DHRS4L2: variants seen among roughly 807,000 people sequenced by gnomAD.
DHRS4L2 encodes dehydrogenase/reductase 4 like 2.
Under a neutral mutation model 23.9 loss-of-function variants are expected in DHRS4L2, and 22 were observed. That is an observed-to-expected ratio of 0.92 (90% CI 0.66 to 1.31). DHRS4L2 has a LOEUF of 1.31. Ranked by LOEUF, DHRS4L2 falls within the 40% of genes most tolerant of loss-of-function variation. DHRS4L2 has a pLI of 0.00. For missense variants in DHRS4L2, 385 were observed against 303.3 expected (o/e 1.27, Z -2.00); for synonymous variants, 141 against 123.7 (o/e 1.14, Z -0.93).
chr14:23,999,613 CCTTA>C (rs1566500177), intron 3 of DHRS4L2, among the ~76,000 whole-genome samples: 2 of 140,682 alleles, frequency 1.4e-5, no homozygotes, highest in East Asian at 2.0e-4. Context: ...AAAAGAAAAT[CCTTA>C]CTCTTTGGAA....
chr14:23,984,967 C>A (rs1049979302), upstream of DHRS4L2, among the ~76,000 whole-genome samples: 2 of 151,310 alleles, frequency 1.3e-5, no homozygotes, highest in African/African-American at 4.9e-5. Context: ...TATACCCCTT[C>A]GTATTTACTG....
chr14:23,982,100 C>T (rs1237510142), intron 1 of DHRS4L2, among the ~76,000 whole-genome samples: 5 of 151,644 alleles, frequency 3.3e-5, no homozygotes, highest in African/African-American at 1.2e-4. Flanking sequence ...ACGGTCAGGG[C>T]TCTCCCATCC....
chr14:23,981,713 G>A (rs1442447101), intron 1 of DHRS4L2, among the ~76,000 whole-genome samples: 7 of 151,754 alleles, frequency 4.6e-5, no homozygotes, highest in Admixed American at 4.6e-4. Flanking sequence ...GAATGCAGCA[G>A]AAGAGCAGGG....
chr14:23,974,405 G>A (rs1274660851), intron 1 of DHRS4L2, among the ~76,000 whole-genome samples: 1 of 151,284 alleles, frequency 6.6e-6, no homozygotes, highest in East Asian at 1.9e-4. Context: ...GATCAGAGCA[G>A]AACTGAAGGT....
chr14:23,983,094 A>G (rs2034081558), intron 1 of DHRS4L2, among the ~76,000 whole-genome samples: 2 of 151,848 alleles, frequency 1.3e-5, no homozygotes, highest in Admixed American at 1.3e-4. Flanking sequence ...GTGAACAGGC[A>G]ACCCACAGAA....
intron 1 of DHRS4L2, among the ~76,000 whole-genome samples, chr14:23,981,816 T>C (rs978857909): frequency 1.3e-5 from 2 of 151,780 alleles, no homozygotes; most frequent in African/African-American, 2.4e-5. Flanking sequence ...TGGATGTGCA[T>C]GTAGGCCAGA....
Position 23,977,599 on chromosome 14 carries a change from C to G in DHRS4L2, c.-176+7267C>G, listed in dbSNP as rs373147847. Among the ~76,000 whole-genome samples, 4 of 151,904 alleles carry G rather than the reference C, an allele frequency of 2.6e-5. No individual in the cohort carries two copies. The South Asian group carries it at 8.3e-4, about 32-fold the overall frequency. The stretch of plus-strand genomic sequence containing the variant: ...AAAGCTGTGGGAACCCCCAAAATCA[C>G]TTTAAGCCTTGAGACGTGACTGTGA... On this transcript the variant is annotated intron_variant, in intron 1 of 5. Transcript: ENST00000534993.
At position 24,001,022 on chromosome 14, in the gene DHRS4L2, T is replaced by C; in HGVS notation, c.480-11T>C. 1 of 1,610,784 alleles carries C rather than the reference T, an allele frequency of 6.2e-7. No individual in the cohort carries two copies. The highest frequency in any genetic ancestry group is 2.2e-5 in the East Asian group (1 of 44,824). On this transcript the variant is annotated splice_polypyrimidine_tract_variant and intron_variant, in intron 4 of 7. Transcript: ENST00000335125. ...ACACTGGGAAGACGGTCAGCTCTCTTCTTTTTCCAGAGGCGGCTCAGTGGT... is the reference window on the plus strand; with the variant it reads ...ACACTGGGAAGACGGTCAGCTCTCTCCTTTTTCCAGAGGCGGCTCAGTGGT...
rs376145235 is a variant in DHRS4L2, at chr14:23,972,624, A to G, written c.-176+2292A>G. Among the ~76,000 whole-genome samples, 579 of 150,708 alleles carry G rather than the reference A, an allele frequency of 3.8e-3. 3 individuals are homozygous for G. The highest frequency in any genetic ancestry group is 5.1e-3 in the Non-Finnish European group (342 of 67,712). On this transcript the variant is annotated intron_variant, in intron 1 of 5. Coordinates refer to the DHRS4L2 transcript ENST00000534993. ...GTGGGTATTTCTAGTCAGGTGGGAC[A>G]AGAGACTGAGAAAGAGAAATAAGAC...
intron 1 of DHRS4L2, among the ~76,000 whole-genome samples, chr14:23,980,666 A>T (rs2034035069): frequency 6.7e-6 from 1 of 150,202 alleles, no homozygotes; most frequent in South Asian, 2.1e-4. Context: ...AAATCAATAA[A>T]CATAGTCCAT....
chr14:23,996,666 C>CTTTT (rs2034389221), intron 3 of DHRS4L2, among the ~76,000 whole-genome samples: 23 of 63,376 alleles, frequency 3.6e-4, no homozygotes, highest in African/African-American at 1.1e-3. Context: ...TTTTTTTTTC[C>CTTTT]CCCTCGCTGT....
At chr14:23,972,615 A>T (rs2033883977) in intron 1 of DHRS4L2, among the ~76,000 whole-genome samples, 1 of 151,990 alleles carries the variant, frequency 6.6e-6, no homozygotes, top group Admixed American at 6.5e-5. Flanking sequence ...ATTTCTAGTC[A>T]GGTGGGACAA....
chr14:23,987,564 AG>A (rs1274735614), upstream of DHRS4L2, among the ~76,000 whole-genome samples: 1 of 151,722 alleles, frequency 6.6e-6, no homozygotes, highest in Non-Finnish European at 1.5e-5. Flanking sequence ...CTCTAATTGT[AG>A]GGACTGGCAT....
At chr14:23,975,226 T>C (rs1256150202) in intron 1 of DHRS4L2, among the ~76,000 whole-genome samples, 2 of 151,756 alleles carry the variant, frequency 1.3e-5, no homozygotes, top group Admixed American at 6.6e-5. Flanking sequence ...GATAAGCAAC[T>C]TCAGCAAAGT....
At chr14:23,981,524 G>A (rs536046579) in intron 1 of DHRS4L2, among the ~76,000 whole-genome samples, 1 of 151,752 alleles carries the variant, frequency 6.6e-6, no homozygotes, top group Non-Finnish European at 1.5e-5. Flanking sequence ...ACACCTGTGG[G>A]TATTTCTTGT....
rs748611607 is a variant in DHRS4L2 at position 23,989,089 on chromosome 14, C to G, written c.128+14C>G. On this transcript the variant is annotated intron_variant, in intron 1 of 7. Coordinates refer to ENST00000335125, the MANE Select transcript of DHRS4L2 (RefSeq NM_198083.4). ...CTCCACCGACGGGTGAGTGTTGGTG[C>G]CGGAGTTTCTGAGGCCCTGGCTGCC... The G allele has an allele frequency of 1.9e-6, 3 of 1,559,874 alleles. No individual in the cohort carries two copies. Among genetic ancestry groups the G allele is most frequent in the African/African-American group, 2.7e-5 (2 of 73,436 alleles).
chr14:23,985,411 C>G (rs1197426871), upstream of DHRS4L2, among the ~76,000 whole-genome samples: 2 of 151,740 alleles, frequency 1.3e-5, no homozygotes, highest in Non-Finnish European at 2.9e-5. Flanking sequence ...TAATCCCACA[C>G]CAGCCCTTCC....
At chr14:23,973,764 A>G (rs2033913610) in intron 1 of DHRS4L2, among the ~76,000 whole-genome samples, 1 of 151,310 alleles carries the variant, frequency 6.6e-6, no homozygotes, top group South Asian at 2.1e-4. Flanking sequence ...GTTCTTAGAG[A>G]CCTACAAAGA....
chr14:24,001,143 C>A, intron 5 of DHRS4L2, 59 bp downstream of exon 5: 1 of 1,609,218 alleles, frequency 6.2e-7, no homozygotes, highest in Non-Finnish European at 8.5e-7. Context: ...CTTTCCACCC[C>A]TCCTATTACC....
Sources: gnomAD v4.1 joint callset for allele counts (sites outside exome capture counted in the v4.1 genomes callset) on GRCh38, gnomAD v4.1.1 for gene constraint, MANE v1.5 for transcripts, NCBI Gene and HGNC (gene_info 2026-07-23, HGNC 2026-07-21) for gene names.